TTN: variants seen among roughly 807,000 people sequenced by gnomAD.
TTN encodes titin, also known as connectin.
Under a neutral mutation model 3,223.0 loss-of-function variants are expected in TTN, and 1,525 were observed. The ratio of observed to expected loss-of-function variants is 0.47; its 90% CI spans 0.45 to 0.49. TTN has a LOEUF of 0.49. Ranked by LOEUF, TTN falls within the 20% of genes least tolerant of loss-of-function variation. The pLI is 0.00. For missense variants in TTN, 40,786 were observed against 43,424.0 expected (o/e 0.94, Z 5.40); for synonymous variants, 14,094 against 15,161.0 (o/e 0.93, Z 5.17).
intron 235 of TTN, 47 bp from the exon 236 acceptor site, chr2:178,632,460 G>A: frequency 6.3e-7 from 1 of 1,583,452 alleles, no homozygotes; most frequent in Non-Finnish European, 8.5e-7. Context: ...GCACTTTAAA[G>A]AAGAAATATA....
chr2:178,799,454 T>C (rs1206008656), intron 6 of TTN, 33 bp downstream of exon 6: 1 of 1,613,704 alleles, frequency 6.2e-7, no homozygotes, highest in South Asian at 1.1e-5. Context: ...TTCCAAAATG[T>C]GCAATAATCT....
rs775620970 is a variant in TTN, at chr2:178,695,922, A to C, written c.31150T>G (p.Trp10384Gly). The change falls in exon 114 of 363, where the codon TGG becomes GGG. Residue 10384 changes from tryptophan to glycine, a missense_variant. Coordinates refer to ENST00000589042, the MANE Select transcript of TTN (RefSeq NM_001267550.2). Reference sequence around the variant, plus strand: ...TCCCTTTCTTGGTAAGCCTCTTCCCACTCTTCCTCCCCTTCGTCATAGCCT... The same window carrying C: ...TCCCTTTCTTGGTAAGCCTCTTCCCCCTCTTCCTCCCCTTCGTCATAGCCT... ...EEGYDEGEEE[W>G]EEAYQEREVI... 3.4e-6 allele frequency: 5 copies of C among 1,488,042 alleles called. No individual in the cohort carries two copies. The highest frequency in any genetic ancestry group is 2.8e-5 in the South Asian group (2 of 70,700). The allele number at this position is 1,488,042 out of a possible 1,614,324, so 92.2% of individuals were successfully genotyped here. A position where few individuals can be genotyped will look rare whatever the true frequency, so the allele number is the denominator to read the frequency against.
At position 178,730,560 on chromosome 2, in the gene TTN, A is replaced by G; in HGVS notation, c.17973T>C (p.Cys5991=). Reference sequence around the variant, plus strand: ...TGTGCCCTGCCTTATTTGTGGCAGAACAAGTGTATGTCCCACTGTCTGTAC... The same window carrying G: ...TGTGCCCTGCCTTATTTGTGGCAGAGCAAGTGTATGTCCCACTGTCTGTAC... The part of the protein sequence containing the change: ...LEGTDSGTYT[C]SATNKAGHNQ... The change falls in exon 61 of 363, where the codon TGT becomes TGC. Residue 5991 remains cysteine, a synonymous_variant. Coordinates refer to ENST00000589042, the MANE Select transcript of TTN (RefSeq NM_001267550.2). The G allele has an allele frequency of 6.2e-7, 1 of 1,613,618 alleles. No homozygotes were observed. Among genetic ancestry groups the G allele is most frequent in the South Asian group, 1.1e-5 (1 of 91,054 alleles).
In TTN at chr2:178,704,237, A is replaced by G. The variant is rs2075490074; in HGVS notation, c.30133T>C (p.Leu10045=). Residue 10045 remains leucine, a synonymous_variant, in exon 106 of 363, where the codon TTG becomes CTG. Transcript: ENST00000589042. ...KTEVEHKVHK[L]TIADVRAEDQ... is the part of the protein sequence containing the mutation. ...TCTGCTCGAACATCTGCAATGGTCA[A>G]TTTATGGACTTTGTGTTCCACTTCT... The G allele has an allele frequency of 6.2e-7, 1 of 1,614,000 alleles. No homozygotes were observed. The highest frequency in any genetic ancestry group is 1.6e-4 in the Middle Eastern group (1 of 6,062).
At position 178,704,309 on chromosome 2, in the gene TTN, A is replaced by T; in HGVS notation, c.30061T>A (p.Trp10021Arg). Residue 10021 changes from tryptophan to arginine, a missense_variant, in exon 106 of 363, where the codon TGG becomes AGG. Physicochemically the swap from Trp to Arg is moderately radical, Grantham distance 101. Coordinates refer to ENST00000589042, the MANE Select transcript of TTN (RefSeq NM_001267550.2). ...TTAAGGATTCTGCCATTTCTGAACCATTCAGATTTTACATTTGGTACAGAA... is the reference window on the plus strand; with the variant it reads ...TTAAGGATTCTGCCATTTCTGAACCTTTCAGATTTTACATTTGGTACAGAA... ...QFSVPNVKSE[W>R]FRNGRILKPQ... The T allele has an allele frequency of 6.2e-7, 1 of 1,613,986 alleles. No homozygotes were observed. The highest frequency in any genetic ancestry group is 1.1e-5 in the South Asian group (1 of 91,078).
In TTN at chr2:178,537,548, T is replaced by C; in HGVS notation, c.99659A>G (p.Tyr33220Cys). 6.2e-7 allele frequency: 1 copy of C among 1,613,774 alleles called. No individual in the cohort carries two copies. The highest frequency in any genetic ancestry group is 8.5e-7 in the Non-Finnish European group (1 of 1,179,764). ...CATGGCAGGTACTGGACGACCAATG[T>C]ACATAACATGAAGCCGAAGTGTGGA... is the stretch of plus-strand genomic sequence containing the variant. ...VGSTLRLHVM[Y>C]IGRPVPAMTW... The change falls in exon 355 of 363, where the codon TAC becomes TGC. Residue 33220 changes from tyrosine (Y) to cysteine (C), a missense_variant. Physicochemically the swap from Tyr to Cys is radical, Grantham distance 194. Coordinates refer to ENST00000589042, the MANE Select transcript of TTN (RefSeq NM_001267550.2).
At position 178,529,983 on chromosome 2, in the gene TTN, G is replaced by A. The variant is rs1688342681; in HGVS notation, c.106508C>T (p.Ser35503Phe). 3.1e-6 allele frequency: 5 copies of A among 1,600,836 alleles called. No individual in the cohort carries two copies. In the East Asian group the frequency reaches 1.1e-4, roughly 36 times the overall value. Residue 35503 changes from serine to phenylalanine, a missense_variant, in exon 359 of 363, where the codon TCT becomes TTT. Coordinates refer to ENST00000589042, the MANE Select transcript of TTN (RefSeq NM_001267550.2). ...TVKNSAGSVS[S>F]SCKLTIKAIK... is the part of the protein sequence containing the mutation. ...ACCTTTTATTGTTAATTTGCAGCTAGAGGACACAGATCCAGCTGAATTTTT... is the reference window on the plus strand; with the variant it reads ...ACCTTTTATTGTTAATTTGCAGCTAAAGGACACAGATCCAGCTGAATTTTT...
intron 218 of TTN, among the ~76,000 whole-genome samples, chr2:178,642,717 T>C (rs1201663842): frequency 6.6e-6 from 1 of 151,914 alleles, no homozygotes; most frequent in East Asian, 1.9e-4. Context: ...TACTGGCAAG[T>C]GTTAGTGCCA....
In TTN at chr2:178,651,671, A is replaced by G; in HGVS notation, c.39458T>C (p.Val13153Ala). 1.2e-6 allele frequency: 2 copies of G among 1,613,284 alleles called. No individual in the cohort carries two copies. Among genetic ancestry groups the G allele is most frequent in the Non-Finnish European group, 1.7e-6 (2 of 1,179,542 alleles). The stretch of plus-strand genomic sequence containing the variant: ...TTAGTGGCAGTGAGGAATACCTTTC[A>G]CTGGTGGTAGTTCAGGTTTTTTGGC... ...VVAKKPELPPVKVPEVPKEVV... is the reference protein window; with the variant it reads ...VVAKKPELPPAKVPEVPKEVV... The change falls in exon 206 of 363, where the codon GTG becomes GCG. Residue 13153 changes from valine (V) to alanine (A), a missense_variant. Coordinates refer to ENST00000589042, the MANE Select transcript of TTN (RefSeq NM_001267550.2).
In TTN at chr2:178,764,273, T is replaced by C. The variant is rs1399762922; in HGVS notation, c.10018A>G (p.Met3340Val). The stretch of plus-strand genomic sequence containing the variant: ...ATGATGGCAGGTGGATAAACAGGCA[T>C]TTCCTGATCAGGAGACACAACTTCT... The part of the protein sequence containing the change: ...VPEVVSPDQE[M>V]PVYPPAIITP... Residue 3340 changes from methionine (M) to valine (V), a missense_variant, in exon 43 of 363, where the codon ATG becomes GTG. By Grantham distance (21) the Met-to-Val change is conservative. Transcript: ENST00000589042. 6.2e-7 allele frequency: 1 copy of C among 1,613,906 alleles called. No homozygotes were observed. The highest frequency in any genetic ancestry group is 8.5e-7 in the Non-Finnish European group (1 of 1,179,992).
intron 201 of TTN, 39 bp downstream of exon 201, chr2:178,652,614 G>A: frequency 6.2e-7 from 1 of 1,612,582 alleles, no homozygotes; most frequent in African/African-American, 1.3e-5. Flanking sequence ...AAGAGTAGAA[G>A]AGATAGATCT....
intron 159 of TTN, among the ~76,000 whole-genome samples, chr2:178,668,440 A>G (rs980296988): frequency 1.3e-5 from 2 of 152,142 alleles, no homozygotes; most frequent in African/African-American, 2.4e-5. Flanking sequence ...ATTAAAAAAA[A>G]TGGAAGCGGG....
At chr2:178,782,486 G>C (rs1355842942) in intron 19 of TTN, 53 bp downstream of exon 19, 4 of 1,613,454 alleles carry the variant, frequency 2.5e-6, no homozygotes, top group East Asian at 2.2e-5. Flanking sequence ...ATACTGGTGG[G>C]GCTGAAAGTC....
chr2:178,547,554 G>A lies in TTN; in HGVS notation c.94072C>T (p.Leu31358Phe). The A allele has an allele frequency of 6.2e-7, 1 of 1,613,784 alleles. No homozygotes were observed. The highest frequency in any genetic ancestry group is 8.5e-7 in the Non-Finnish European group (1 of 1,179,792). ...KRESGTTAWQ[L>F]VNSSVKRTQI... ...GTGCGCTTGACACTGGAATTGACAA[G>A]CTGCCAAGCTGTTGTACCCGATTCA... The change falls in exon 339 of 363, where the codon CTT (leucine) becomes TTT (phenylalanine). Residue 31358 changes from leucine to phenylalanine, a missense_variant. Coordinates refer to ENST00000589042, the MANE Select transcript of TTN (RefSeq NM_001267550.2).
Position 178,740,898 on chromosome 2 carries a change from T to C in TTN, c.12335A>G (p.Gln4112Arg), listed in dbSNP as rs2082368600. ...TTGCTCCAAAATGGATTGCAATTCCTGAGCTCCCAAAGGAAGCTGACTGCT... is the reference window on the plus strand; with the variant it reads ...TTGCTCCAAAATGGATTGCAATTCCCGAGCTCCCAAAGGAAGCTGACTGCT... ...ELSSQLPLGA[Q>R]ELQSILEQDK... The change falls in exon 48 of 363, where the codon CAG (glutamine) becomes CGG (arginine). Residue 4112 changes from glutamine to arginine, a missense_variant. Physicochemically the swap from Gln to Arg is conservative, Grantham distance 43 (BLOSUM62 1). Transcript: ENST00000589042. The C allele has an allele frequency of 6.2e-7, 1 of 1,613,814 alleles. No individual in the cohort carries two copies. The highest frequency in any genetic ancestry group is 8.5e-7 in the Non-Finnish European group (1 of 1,179,844).
intron 239 of TTN, 99 bp downstream of exon 239, chr2:178,630,142 A>T: frequency 2.0e-6 from 3 of 1,521,102 alleles, no homozygotes; most frequent in Admixed American, 3.7e-5. Flanking sequence ...TGTTTTAATA[A>T]TATTTTCTAA....
At chr2:178,538,873 G>A in intron 353 of TTN, 34 bp from the exon 354 acceptor site, 1 of 1,581,080 alleles carries the variant, frequency 6.3e-7, no homozygotes, top group Non-Finnish European at 8.6e-7. Context: ...AAGGGAGTCA[G>A]CTTTACTGGT....
Position 178,581,908 on chromosome 2 carries a change from T to G in TTN, c.66461A>C (p.Gln22154Pro), listed in dbSNP as rs755563178. ...GGAACTCGTTCATGAACACTTACACTGAGGGTCCCGAGCATAAGCGGCCTT... is the reference window on the plus strand; with the variant it reads ...GGAACTCGTTCATGAACACTTACACGGAGGGTCCCGAGCATAAGCGGCCTT... ...ASKAAYARDPQYPPGPPAFPK... is the reference protein window; with the variant it reads ...ASKAAYARDPPYPPGPPAFPK... The change falls in exon 315 of 363, where the codon CAG becomes CCG. Residue 22154 changes from glutamine (Q) to proline (P), a missense_variant and splice_region_variant. Coordinates refer to ENST00000589042, the MANE Select transcript of TTN (RefSeq NM_001267550.2). 3 of 1,612,926 alleles carry G rather than the reference T, an allele frequency of 1.9e-6. No homozygotes were observed. Among genetic ancestry groups the G allele is most frequent in the African/African-American group, 1.3e-5 (1 of 74,880 alleles).
intron 349 of TTN, 86 bp downstream of exon 349, chr2:178,542,178 C>T: frequency 5.2e-6 from 7 of 1,339,422 alleles, no homozygotes; most frequent in East Asian, 2.5e-5. Context: ...TTTTTATTTA[C>T]ATTAGGGCAT....
Sources: gnomAD v4.1 joint callset for allele counts (sites outside exome capture counted in the v4.1 genomes callset) on GRCh38, gnomAD v4.1.1 for gene constraint, MANE v1.5 for transcripts, NCBI Gene and HGNC (gene_info 2026-07-23, HGNC 2026-07-21) for gene names.